FBXO46: variants seen among roughly 807,000 people sequenced by gnomAD.
The protein encoded by FBXO46 is F-box protein 46, also known as F-box only protein 46.
Under a neutral mutation model 30.7 loss-of-function variants are expected in FBXO46, and 13 were observed. The ratio of observed to expected loss-of-function variants is 0.42; its 90% CI spans 0.28 to 0.67. FBXO46 has a LOEUF of 0.67. Ranked by LOEUF, FBXO46 falls within the 30% of genes least tolerant of loss-of-function variation. The pLI, the probability that FBXO46 is intolerant of heterozygous loss-of-function variation, is 0.21. For missense variants in FBXO46, 754 were observed against 871.5 expected (o/e 0.87, Z 1.70); for synonymous variants, 467 against 385.8 (o/e 1.21, Z -2.47).
In FBXO46 at chr19:45,713,968, CAAAA is replaced by C. The variant is rs34349746; in HGVS notation, c.-78-399_-78-396del. Among the ~76,000 whole-genome samples the C allele has an allele frequency of 2.7e-4, 20 of 73,126 alleles. No homozygotes were observed. The highest frequency in any genetic ancestry group is 7.6e-4 in the African/African-American group (16 of 21,082). 48.0% of individuals were successfully genotyped at this position (73,126 alleles called of 152,430 possible). On this transcript the variant is annotated intron_variant, in intron 1 of 1. Coordinates refer to ENST00000317683, the MANE Select transcript of FBXO46 (RefSeq NM_001080469.2). This position sits in a 1 kb window ranked among gnomAD's most constrained non-coding sequence, Gnocchi z 4.7. ...GGGCGACAAGAGCGAAACTCCGTCT[CAAAA>C]AAAAAAAAAAAAAAAAAAAGAACTC... is the stretch of plus-strand genomic sequence containing the variant.
intron 1 of FBXO46, among the ~76,000 whole-genome samples, chr19:45,730,213 C>T (rs1968291121): frequency 6.6e-6 from 1 of 152,108 alleles, no homozygotes; most frequent in South Asian, 2.1e-4. Flanking sequence ...GAAAGCCTGT[C>T]TCGATGGCCC....
At chr19:45,718,720 G>A (rs1180584299) in intron 1 of FBXO46, among the ~76,000 whole-genome samples, 1 of 151,822 alleles carries the variant, frequency 6.6e-6, no homozygotes, top group African/African-American at 2.4e-5. Context: ...CTGGGTCATC[G>A]TCTGGGGTGG....
At position 45,711,424 on chromosome 19, in the gene FBXO46, A is replaced by G. The variant is rs2146140925; in HGVS notation, c.*260T>C. ...GGGAGGGGGTTGGGGCTGAATGGAG[A>G]AGAAAGTGAGATGCTGATAAAAAAA... On this transcript the variant is annotated 3_prime_UTR_variant, in exon 2 of 2. Coordinates refer to ENST00000317683, the MANE Select transcript of FBXO46 (RefSeq NM_001080469.2). 7.7e-6 allele frequency: 5 copies of G among 645,724 alleles called. No homozygotes were observed. In the East Asian group the frequency reaches 1.5e-4, roughly 20 times the overall value. 40.0% of individuals were successfully genotyped at this position (645,724 alleles called of 1,614,324 possible).
intron 1 of FBXO46, among the ~76,000 whole-genome samples, chr19:45,729,118 T>A (rs116179699): frequency 0.02 from 2,906 of 142,944 alleles, 92 homozygotes; most frequent in African/African-American, 0.071. Context: ...AAAACAAAAC[T>A]AAACAAAAAA....
In FBXO46 at chr19:45,728,943, C is replaced by A. The variant is rs1968273815; in HGVS notation, c.-79+1906G>T. ...CTGAGGTCGGGAGTTCAAGACCTGT[C>A]TCTACTAAAAATACAAAATTAACCA... On this transcript the variant is annotated intron_variant, in intron 1 of 1. Coordinates refer to ENST00000317683, the MANE Select transcript of FBXO46 (RefSeq NM_001080469.2). 2.6e-5 allele frequency among the ~76,000 whole-genome samples: 4 copies of A among 151,832 alleles called. No homozygotes were observed. In the South Asian group the frequency reaches 8.3e-4, roughly 31 times the overall value.
At chr19:45,722,443 C>T (rs565625860) in intron 1 of FBXO46, among the ~76,000 whole-genome samples, 7 of 152,196 alleles carry the variant, frequency 4.6e-5, no homozygotes, top group South Asian at 4.1e-4. Context: ...GCTGACCATC[C>T]GCTGAAACAA....
chr19:45,714,754 T>C (rs1968065159), intron 1 of FBXO46: 1 of 151,670 alleles, frequency 6.6e-6, no homozygotes, highest in African/African-American at 2.4e-5. Context: ...ATTAGCCGGG[T>C]GGGGTGTGGC....
chr19:45,717,299 G>A (rs1418478653), intron 1 of FBXO46: 2 of 152,190 alleles, frequency 1.3e-5, no homozygotes, highest in Non-Finnish European at 2.9e-5. Flanking sequence ...GAAGGCTGCA[G>A]CCCACACGCA....
intron 1 of FBXO46, among the ~76,000 whole-genome samples, chr19:45,717,658 C>A (rs888206380): frequency 6.6e-6 from 1 of 152,114 alleles, no homozygotes; most frequent in Non-Finnish European, 1.5e-5. Flanking sequence ...CACGTCCCCT[C>A]GAACAGAAGC....
upstream of FBXO46, among the ~76,000 whole-genome samples, chr19:45,732,953 G>A (rs1457549827): frequency 6.6e-6 from 1 of 152,022 alleles, no homozygotes; most frequent in Non-Finnish European, 1.5e-5. Context: ...CATGGTCTCG[G>A]AGGTTCTCAC....
In FBXO46 at chr19:45,712,463, C is replaced by T; in HGVS notation, c.1033G>A (p.Glu345Lys). ...EGDSPAPARP[E>K]DTPPAPPPPP... ...GGAGGGGGCGCCGGGGGAGTGTCCT[C>T]AGGCCTGGCGGGTGCCGGGCTGTCA... Residue 345 changes from glutamate to lysine, a missense_variant, in exon 2 of 2, where the codon GAG (glutamate) becomes AAG (lysine). This residue lies in a region of FBXO46 where 454 missense variants were observed against 426.5 expected (regional missense o/e 1.06). Transcript: ENST00000317683. This position sits in a 1 kb window ranked among gnomAD's most constrained non-coding sequence, Gnocchi z 8.8. The T allele has an allele frequency of 6.2e-7, 1 of 1,610,438 alleles. No individual in the cohort carries two copies. Among genetic ancestry groups the T allele is most frequent in the Non-Finnish European group, 8.5e-7 (1 of 1,178,436 alleles).
rs1404968877 is a variant in FBXO46 at position 45,711,359 on chromosome 19, T to C, written c.*325A>G. 5.6e-6 allele frequency: 3 copies of C among 537,308 alleles called. No individual in the cohort carries two copies. Among genetic ancestry groups the C allele is most frequent in the Non-Finnish European group, 1.0e-5 (3 of 286,018 alleles). 33.3% of individuals were successfully genotyped at this position (537,308 alleles called of 1,614,324 possible). On this transcript the variant is annotated 3_prime_UTR_variant, in exon 2 of 2. Coordinates refer to ENST00000317683, the MANE Select transcript of FBXO46 (RefSeq NM_001080469.2). ...AGTGGTACCAAAATTAGCTGCCGTCTGCTCCCTGCTGGTGGGTCCTTGGGG... is the reference window on the plus strand; with the variant it reads ...AGTGGTACCAAAATTAGCTGCCGTCCGCTCCCTGCTGGTGGGTCCTTGGGG...
Position 45,711,326 on chromosome 19 carries a change from G to C in FBXO46, c.*358C>G. On this transcript the variant is annotated 3_prime_UTR_variant, in exon 2 of 2. Transcript: ENST00000317683. The stretch of plus-strand genomic sequence containing the variant: ...GAGAGGATGGGGGCCAGAATGGGGG[G>C]ACCCTTAAGTGGTACCAAAATTAGC... 1 of 471,930 alleles carries C rather than the reference G, an allele frequency of 2.1e-6. No individual in the cohort carries two copies. Among genetic ancestry groups the C allele is most frequent in the Non-Finnish European group, 4.1e-6 (1 of 246,862 alleles). The allele number at this position is 471,930 out of a possible 1,614,324, so 29.2% of individuals were successfully genotyped here.
intron 1 of FBXO46, among the ~76,000 whole-genome samples, chr19:45,722,925 G>A (rs1042845579): frequency 6.6e-6 from 1 of 152,060 alleles, no homozygotes; most frequent in African/African-American, 2.4e-5. Context: ...ATAGTGACAG[G>A]CGCCTATAAT....
intron 1 of FBXO46, among the ~76,000 whole-genome samples, chr19:45,725,362 C>A (rs2146160456): frequency 6.6e-6 from 1 of 151,960 alleles, no homozygotes; most frequent in East Asian, 1.9e-4. Context: ...TCACAGTGAG[C>A]CAAGATAGTG....
At chr19:45,727,903 G>A (rs1432988756) in intron 1 of FBXO46, among the ~76,000 whole-genome samples, 1 of 152,130 alleles carries the variant, frequency 6.6e-6, no homozygotes, top group Non-Finnish European at 1.5e-5. Context: ...TGGGTATTTG[G>A]CGGGGACAGG....
In FBXO46 at chr19:45,712,324, T is replaced by C; in HGVS notation, c.1172A>G (p.Glu391Gly). The C allele has an allele frequency of 6.2e-7, 1 of 1,601,472 alleles. No individual in the cohort carries two copies. Among genetic ancestry groups the C allele is most frequent in the South Asian group, 1.1e-5 (1 of 91,066 alleles). ...GKDGTKNVKE[E>G]TVCLTVSPEE... ...CGGGCTGACCGTCAGGCACACAGTC[T>C]CCTCCTTCACGTTCTTGGTGCCGTC... Residue 391 changes from glutamate (E) to glycine (G), a missense_variant, in exon 2 of 2, where the codon GAG becomes GGG. Glu to Gly is a moderately conservative substitution (Grantham distance 98). Coordinates refer to ENST00000317683, the MANE Select transcript of FBXO46 (RefSeq NM_001080469.2). The surrounding 1 kb of genome is among the most constrained non-coding windows in gnomAD (Gnocchi z 8.8).
At chr19:45,721,630 C>T (rs888892681) in intron 1 of FBXO46, among the ~76,000 whole-genome samples, 24 of 146,794 alleles carry the variant, frequency 1.6e-4, no homozygotes, top group African/African-American at 4.5e-4. Flanking sequence ...TCGGCTCACT[C>T]GAACCTCTGC....
intron 1 of FBXO46, among the ~76,000 whole-genome samples, chr19:45,719,507 G>C (rs1206405919): frequency 6.6e-6 from 1 of 152,140 alleles, no homozygotes; most frequent in Non-Finnish European, 1.5e-5. Context: ...GGGAAAGTTT[G>C]TTAAATCCAC....
Sources: allele counts gnomAD v4.1 joint callset (sites outside exome capture counted in the v4.1 genomes callset), GRCh38; gene constraint gnomAD v4.1.1; regional missense constraint gnomAD v4.1.1; non-coding constraint Gnocchi (gnomAD v3.1); transcripts MANE v1.5; gene names NCBI Gene and HGNC (gene_info 2026-07-23, HGNC 2026-07-21).